DAB1: variants seen among roughly 807,000 people sequenced by gnomAD.
The protein encoded by DAB1 is disabled homolog 1.
A neutral mutation model predicts 64.6 loss-of-function variants in DAB1; 15 were observed. The ratio of observed to expected loss-of-function variants is 0.23; its 90% CI spans 0.16 to 0.36. The LOEUF (loss-of-function observed/expected upper bound fraction) is 0.36, where lower values mean the gene tolerates loss of function less well. Ranked by LOEUF, DAB1 falls within the 10% of genes least tolerant of loss-of-function variation. The pLI, the probability that DAB1 is intolerant of heterozygous loss-of-function variation, is 1.00. For missense variants in DAB1, 596 were observed against 706.7 expected, an observed-to-expected ratio of 0.84 and a Z score of 1.78; for synonymous variants, 235 against 251.9, an observed-to-expected ratio of 0.93 and a Z score of 0.64.
chr1:58,521,840 A>G (rs75463408), intron 2 of DAB1, among the ~76,000 whole-genome samples: 16,373 of 152,218 alleles, frequency 0.11, 1,005 homozygotes, highest in Middle Eastern at 0.16. Context: ...TTTAAAAAAT[A>G]AATATAGCTA....
At chr1:57,673,616 A>G (rs774307627) in intron 6 of DAB1, among the ~76,000 whole-genome samples, 5 of 152,132 alleles carry the variant, frequency 3.3e-5, no homozygotes, top group African/African-American at 4.8e-5. Context: ...TTTCATATTG[A>G]CATTTCGGAG....
chr1:57,157,487 T>A (rs1660337472), intron 2 of DAB1, among the ~76,000 whole-genome samples: 3 of 152,102 alleles, frequency 2.0e-5, no homozygotes, highest in Admixed American at 1.3e-4. Context: ...ATTTGGTTGT[T>A]GGTGAGGGCC....
intron 5 of DAB1, among the ~76,000 whole-genome samples, chr1:57,907,054 C>A (rs1644563786): frequency 6.6e-6 from 1 of 152,164 alleles, no homozygotes; most frequent in Non-Finnish European, 1.5e-5. Context: ...AATGTAAAAA[C>A]ACTTATACAC....
Position 57,014,906 on chromosome 1 carries a change from G to A in DAB1, c.1421C>T (p.Ser474Phe). The A allele has an allele frequency of 6.3e-7, 1 of 1,587,164 alleles. No individual in the cohort carries two copies. The highest frequency in any genetic ancestry group is 8.6e-7 in the Non-Finnish European group (1 of 1,165,162). Residue 474 changes from serine to phenylalanine, a missense_variant, in exon 12 of 15, where the codon TCT (serine) becomes TTT (phenylalanine). Physicochemically the swap from Ser to Phe is radical, Grantham distance 155. Transcript: ENST00000371236. ...ACGTGAGTTGGTCGATGGTGTGGTA[G>A]AAGTCACAGGGGTCAAATTCAACTG... ...ISQLNLTPVT[S>F]TTPSTNSPPT...
At position 57,097,392 on chromosome 1, in the gene DAB1, C is replaced by A. The variant is rs994264763; in HGVS notation, c.307-24978G>T. ...CTGATGGATGCTTCTACATTACCAC[C>A]CAAAGCCTTATAGTTATCCAGACAG... On this transcript the variant is annotated intron_variant, in intron 4 of 14. Coordinates refer to ENST00000371236, the MANE Select transcript of DAB1 (RefSeq NM_001365792.1). Among the ~76,000 whole-genome samples, 3 of 152,272 alleles carry A rather than the reference C, an allele frequency of 2.0e-5. 1 individual carries two copies. The South Asian group carries it at 6.2e-4, about 32-fold the overall frequency.
intron 7 of DAB1, among the ~76,000 whole-genome samples, chr1:57,503,946 G>C (rs1403224759): frequency 6.6e-6 from 1 of 152,158 alleles, no homozygotes; most frequent in East Asian, 1.9e-4. Flanking sequence ...GAGAATAACA[G>C]GGTCTTCACC....
chr1:58,151,718 T>A (rs947600509), intron 4 of DAB1, among the ~76,000 whole-genome samples: 1 of 152,200 alleles, frequency 6.6e-6, no homozygotes, highest in Non-Finnish European at 1.5e-5. Context: ...GCATACTATG[T>A]GCAATGTACC....
intron 4 of DAB1, among the ~76,000 whole-genome samples, chr1:58,178,357 G>C (rs1347650949): frequency 1.3e-5 from 2 of 152,132 alleles, no homozygotes; most frequent in African/African-American, 4.8e-5. Context: ...ATTATGGGCT[G>C]AAGTATGCCC....
intron 4 of DAB1, among the ~76,000 whole-genome samples, chr1:58,164,152 C>G (rs1011373845): frequency 6.7e-6 from 1 of 148,616 alleles, no homozygotes; most frequent in South Asian, 2.1e-4. Context: ...CAGATTTAGC[C>G]CATGAAAGCT....
At chr1:57,061,370 T>C (rs948588279) in intron 9 of DAB1, among the ~76,000 whole-genome samples, 2 of 152,092 alleles carry the variant, frequency 1.3e-5, no homozygotes, top group Non-Finnish European at 2.9e-5. Context: ...ACTTGGAGAA[T>C]ACAGAGTCTT....
intron 2 of DAB1, among the ~76,000 whole-genome samples, chr1:57,263,703 T>A (rs1000106552): frequency 6.6e-5 from 10 of 152,280 alleles, no homozygotes; most frequent in African/African-American, 2.4e-4. Flanking sequence ...TTCTTCAGGA[T>A]TGGAGAGAAT....
intron 3 of DAB1, among the ~76,000 whole-genome samples, chr1:58,499,509 A>ATAGATAGATAGATAGATAG (rs776144705): frequency 4.7e-5 from 2 of 42,856 alleles, no homozygotes; most frequent in South Asian, 7.0e-4. Context: ...TAGATAGATA[A>ATAGATAGATAGATAGATAG]ATAGATAGAT....
intron 3 of DAB1, among the ~76,000 whole-genome samples, chr1:58,444,193 A>G (rs1645041187): frequency 6.6e-6 from 1 of 152,268 alleles, no homozygotes; most frequent in African/African-American, 2.4e-5. Context: ...TTTGAGCAAC[A>G]TATGAGGAAC....
intron 6 of DAB1, among the ~76,000 whole-genome samples, chr1:57,679,165 G>A (rs1183132227): frequency 6.6e-6 from 1 of 152,158 alleles, no homozygotes; most frequent in Non-Finnish European, 1.5e-5. Context: ...AAGTGGCCAA[G>A]TTTTGAATCT....
At chr1:57,290,634 A>T (rs80065399) in intron 2 of DAB1, among the ~76,000 whole-genome samples, 3,996 of 152,252 alleles carry the variant, frequency 0.026, 175 homozygotes, top group African/African-American at 0.091. Context: ...TTTGGATCTT[A>T]TCTGGAGAAT....
intron 1 of DAB1, among the ~76,000 whole-genome samples, chr1:57,875,552 G>T (rs1397115637): frequency 6.6e-6 from 1 of 152,046 alleles, no homozygotes; most frequent in Non-Finnish European, 1.5e-5. Flanking sequence ...TACTGCTCTG[G>T]GACAGGATTG....
chr1:57,241,176 A>T (rs1240029852), intron 2 of DAB1, among the ~76,000 whole-genome samples: 1 of 152,228 alleles, frequency 6.6e-6, no homozygotes, highest in Admixed American at 6.5e-5. Context: ...ATAAATATGT[A>T]TTAAATTATT....
intron 4 of DAB1, among the ~76,000 whole-genome samples, chr1:57,113,232 A>C (rs1295378927): frequency 2.0e-5 from 3 of 152,190 alleles, no homozygotes; most frequent in African/African-American, 7.2e-5. Context: ...GCTAAATAAA[A>C]ATTGGCCATT....
intron 3 of DAB1, among the ~76,000 whole-genome samples, chr1:58,366,919 T>C (rs978028447): frequency 5.3e-5 from 8 of 152,242 alleles, no homozygotes; most frequent in African/African-American, 1.9e-4. Context: ...TACACATTAA[T>C]TGGTCATAAG....
Sources: gnomAD v4.1 joint callset for allele counts (sites outside exome capture counted in the v4.1 genomes callset) on GRCh38, gnomAD v4.1.1 for gene constraint, MANE v1.5 for transcripts, NCBI Gene and HGNC (gene_info 2026-07-23, HGNC 2026-07-21) for gene names.